CAMK2A: variants seen among roughly 807,000 people sequenced by gnomAD.
The protein encoded by CAMK2A is calcium/calmodulin dependent protein kinase II alpha.
Under a neutral mutation model 79.2 loss-of-function variants are expected in CAMK2A, and 7 were observed. That is an observed-to-expected ratio of 0.09 (90% CI 0.05 to 0.17). The LOEUF is 0.17. Ranked by LOEUF, CAMK2A falls within the 10% of genes least tolerant of loss-of-function variation. The pLI is 1.00. For synonymous variants in CAMK2A, 242 were observed against 251.7 expected (o/e 0.96, Z 0.36); for missense variants, 214 against 646.4 (o/e 0.33, Z 7.25).
intron 1 of CAMK2A, among the ~76,000 whole-genome samples, chr5:150,276,702 G>A (rs1404100855): frequency 6.6e-6 from 1 of 152,216 alleles, no homozygotes; most frequent in Non-Finnish European, 1.5e-5. Flanking sequence ...GAGCTCCAGG[G>A]TGCAGGAGCT....
At position 150,257,677 on chromosome 5, in the gene CAMK2A, C is replaced by G. The variant is rs147621849; in HGVS notation, c.218-60G>C. ...ACACACTGCTGCACAGGCCCGCCCT[C>G]CCTCTCTCCCCTCCCGTGTATATCC... On this transcript the variant is annotated intron_variant, in intron 3 of 18. Coordinates refer to ENST00000671881, the MANE Select transcript of CAMK2A (RefSeq NM_015981.4). 175 of 1,296,430 alleles carry G rather than the reference C, an allele frequency of 1.3e-4. No homozygotes were observed. The African/African-American group carries it at 2.2e-3, about 16-fold the overall frequency. 80.3% of individuals were successfully genotyped at this position (1,296,430 alleles called of 1,614,324 possible). A position where few individuals can be genotyped will look rare whatever the true frequency, so the allele number is the denominator to read the frequency against.
intron 3 of CAMK2A, among the ~76,000 whole-genome samples, chr5:150,259,392 G>T (rs560560335): frequency 3.4e-4 from 52 of 151,774 alleles, no homozygotes; most frequent in African/African-American, 9.7e-4. Flanking sequence ...TGGTGGCACA[G>T]GCATTTGTCG....
Position 150,238,741 on chromosome 5 carries a change from G to A in CAMK2A, c.1025C>T (p.Ser342Leu), listed in dbSNP as rs1292054661. Residue 342 changes from serine to leucine, a missense_variant, in exon 15 of 19, where the codon TCA becomes TTA. Physicochemically the swap from Ser to Leu is moderately radical, Grantham distance 145. Transcript: ENST00000671881. ...SSSSVQLMES[S>L]ESTNTTIEDE... ...CTCGATGGTGGTGTTGGTGCTCTCT[G>A]AGGATTCCTGCCAAAGAGAATACAG... The A allele has an allele frequency of 6.2e-7, 1 of 1,606,448 alleles. No individual in the cohort carries two copies.
intron 1 of CAMK2A, among the ~76,000 whole-genome samples, chr5:150,285,944 G>A (rs1485992562): frequency 1.3e-5 from 2 of 152,018 alleles, no homozygotes; most frequent in African/African-American, 4.8e-5. Flanking sequence ...CCTTGAACGT[G>A]ACCCCTTCCC....
chr5:150,272,519 C>A (rs1416001973), intron 2 of CAMK2A, among the ~76,000 whole-genome samples: 4 of 151,046 alleles, frequency 2.6e-5, no homozygotes, highest in African/African-American at 9.8e-5. Context: ...TTGCAGTGAG[C>A]CAAGATCGCA....
intron 6 of CAMK2A, 41 bp from the exon 7 acceptor site, chr5:150,253,587 G>A (rs201309944): frequency 4.2e-4 from 632 of 1,515,964 alleles, no homozygotes; most frequent in Non-Finnish European, 5.2e-4. Flanking sequence ...GGAGGAAAGC[G>A]CCAAGAGACA....
chr5:150,250,651 G>A (rs1755791006), intron 10 of CAMK2A, 37 bp downstream of exon 10: 1 of 1,612,684 alleles, frequency 6.2e-7, no homozygotes, highest in Non-Finnish European at 8.5e-7. Context: ...GAGGTCTGGA[G>A]GGGCTCCTGG....
intron 2 of CAMK2A, among the ~76,000 whole-genome samples, chr5:150,270,636 G>A (rs1014278224): frequency 1.3e-5 from 2 of 150,666 alleles, no homozygotes; most frequent in Non-Finnish European, 2.9e-5. Flanking sequence ...AAAGAATCCT[G>A]CTAAAAGAAG....
At chr5:150,264,031 G>T (rs1450682355) in intron 3 of CAMK2A, among the ~76,000 whole-genome samples, 2 of 152,306 alleles carry the variant, frequency 1.3e-5, no homozygotes, top group Admixed American at 1.3e-4. Context: ...AGGCTTCCCT[G>T]CCTTGTGAGA....
At chr5:150,275,061 AGC>A (rs1756894394) in intron 1 of CAMK2A, among the ~76,000 whole-genome samples, 1 of 152,252 alleles carries the variant, frequency 6.6e-6, no homozygotes, top group Non-Finnish European at 1.5e-5. Flanking sequence ...GCAGGAAATG[AGC>A]GGCTGGGAAA....
At chr5:150,288,267 G>A (rs748571568) in intron 1 of CAMK2A, among the ~76,000 whole-genome samples, 1 of 152,034 alleles carries the variant, frequency 6.6e-6, no homozygotes, top group Non-Finnish European at 1.5e-5. Flanking sequence ...CTTCCTATGT[G>A]CACACAGCTC....
At chr5:150,253,092 T>A (rs1326297465) in intron 7 of CAMK2A, among the ~76,000 whole-genome samples, 2 of 152,228 alleles carry the variant, frequency 1.3e-5, no homozygotes, top group Non-Finnish European at 2.9e-5. Flanking sequence ...AGGATAATAA[T>A]CTCAAGCACC....
At chr5:150,252,150 G>A (rs1755864606) in intron 7 of CAMK2A, 85 bp from the exon 8 acceptor site, 1 of 1,038,280 alleles carries the variant, frequency 9.6e-7, no homozygotes, top group Non-Finnish European at 1.5e-6. Context: ...TGGAAGAGGG[G>A]ATGAGGATTG....
Position 150,256,869 on chromosome 5 carries a change from C to G in CAMK2A, c.273-38G>C, listed in dbSNP as rs1323255186. On this transcript the variant is annotated intron_variant, in intron 4 of 18. Coordinates refer to ENST00000671881, the MANE Select transcript of CAMK2A (RefSeq NM_015981.4). The surrounding 1 kb of genome is among the most constrained non-coding windows in gnomAD (Gnocchi z 4.6). ...GCATGGAATCACCCTCTAATAGAGG[C>G]GACAGGTGCTGCCTCATCTGGAGGA... 2.6e-6 allele frequency: 4 copies of G among 1,561,266 alleles called. No individual in the cohort carries two copies. In the East Asian group the frequency reaches 6.8e-5, roughly 27 times the overall value.
chr5:150,250,833 G>C (rs1466897337), intron 9 of CAMK2A, 23 bp from the exon 10 acceptor site: 4 of 1,611,154 alleles, frequency 2.5e-6, no homozygotes, highest in Non-Finnish European at 3.4e-6. Flanking sequence ...GAGAGGCCAG[G>C]TTTGCCCAGC....
At chr5:150,252,187 G>T in intron 7 of CAMK2A, 122 bp from the exon 8 acceptor site, 2 of 743,452 alleles carry the variant, frequency 2.7e-6, no homozygotes, top group Non-Finnish European at 4.6e-6. Flanking sequence ...AACAGCCCCT[G>T]CCCCTCAGGT....
At chr5:150,237,376 CT>C (rs149781698) in intron 15 of CAMK2A, among the ~76,000 whole-genome samples, 98,851 of 137,846 alleles carry the variant, frequency 0.72, 35,525 homozygotes, top group Middle Eastern at 0.84. Flanking sequence ...AGACCCCCCC[CT>C]GCCACTACCA....
At chr5:150,258,876 C>A (rs1756178045) in intron 3 of CAMK2A, among the ~76,000 whole-genome samples, 1 of 152,120 alleles carries the variant, frequency 6.6e-6, no homozygotes, top group South Asian at 2.1e-4. Context: ...AGGGAAGGGG[C>A]ACAGATTAAA....
chr5:150,232,635 T>A (rs556567212), intron 15 of CAMK2A, among the ~76,000 whole-genome samples: 21 of 152,316 alleles, frequency 1.4e-4, no homozygotes, highest in Admixed American at 9.1e-4. Context: ...ACTGGAGTTG[T>A]CTCAGGTGAA....
Sources: allele counts gnomAD v4.1 joint callset (sites outside exome capture counted in the v4.1 genomes callset), GRCh38; gene constraint gnomAD v4.1.1; non-coding constraint Gnocchi (gnomAD v3.1); transcripts MANE v1.5; gene names NCBI Gene and HGNC (gene_info 2026-07-23, HGNC 2026-07-21).